Variants in DIP2C observed in about 807,000 individuals in gnomAD.
DIP2C encodes DIP2 acetate--CoA ligase C (putative), also known as disco-interacting protein 2 homolog C.
A neutral mutation model predicts 192.4 loss-of-function variants in DIP2C; 33 were observed. The ratio of observed to expected loss-of-function variants is 0.17; its 90% CI spans 0.13 to 0.23. DIP2C has a LOEUF of 0.23. Ranked by LOEUF, DIP2C falls within the 10% of genes least tolerant of loss-of-function variation. The pLI is 1.00. For missense variants in DIP2C, 1,537 were observed against 2,110.1 expected, an observed-to-expected ratio of 0.73 and a Z score of 5.32; for synonymous variants, 979 against 864.1, an observed-to-expected ratio of 1.13 and a Z score of -2.33.
intron 32 of DIP2C, among the ~76,000 whole-genome samples, chr10:290,938 C>T (rs1174048028): frequency 6.6e-6 from 1 of 152,254 alleles, no homozygotes; most frequent in Non-Finnish European, 1.5e-5. Context: ...GGGATGACTT[C>T]AGACAGGGTA....
intron 17 of DIP2C, among the ~76,000 whole-genome samples, chr10:379,413 C>T (rs1962113440): frequency 6.6e-6 from 1 of 152,110 alleles, no homozygotes; most frequent in African/African-American, 2.4e-5. Context: ...TTCTATGTTG[C>T]TTGCAAGAGT....
At chr10:593,946 G>C (rs1243174303) in intron 1 of DIP2C, among the ~76,000 whole-genome samples, 1 of 152,206 alleles carries the variant, frequency 6.6e-6, no homozygotes, top group Non-Finnish European at 1.5e-5. Context: ...CTCTGTGTAG[G>C]AGTCCAGCAC....
intron 1 of DIP2C, among the ~76,000 whole-genome samples, chr10:546,448 G>GT (rs1163590707): frequency 6.6e-6 from 1 of 152,196 alleles, no homozygotes; most frequent in Admixed American, 6.5e-5. Flanking sequence ...GGACAGCAGG[G>GT]TTCTCATGCC....
At chr10:657,660 C>G (rs1431923904) in intron 1 of DIP2C, among the ~76,000 whole-genome samples, 3 of 92,924 alleles carry the variant, frequency 3.2e-5, no homozygotes, top group Non-Finnish European at 4.5e-5. Flanking sequence ...TGGACCTGTC[C>G]CTGGACCTGC....
chr10:419,272 C>T, intron 5 of DIP2C, 73 bp from the exon 6 acceptor site: 1 of 1,600,898 alleles, frequency 6.2e-7, no homozygotes, highest in Non-Finnish European at 8.5e-7. Flanking sequence ...AGCCACAGCC[C>T]AGGAAGAGAC....
chr10:298,972 A>T (rs1564522272), intron 32 of DIP2C, among the ~76,000 whole-genome samples: 1 of 152,214 alleles, frequency 6.6e-6, no homozygotes, highest in Non-Finnish European at 1.5e-5. Context: ...ATAATTATAG[A>T]TTTGATATGT....
At chr10:289,596 C>A (rs1955372152) in intron 32 of DIP2C, among the ~76,000 whole-genome samples, 2 of 152,156 alleles carry the variant, frequency 1.3e-5, no homozygotes, top group South Asian at 4.1e-4. Flanking sequence ...CACCAAGAAC[C>A]CACTCTTATG....
chr10:441,114 G>T, intron 3 of DIP2C, 118 bp from the exon 4 acceptor site: 1 of 1,178,072 alleles, frequency 8.5e-7, no homozygotes, highest in Non-Finnish European at 1.1e-6. Flanking sequence ...ACCAACAGAT[G>T]GGTGGGCGAG....
Position 390,160 on chromosome 10 carries a change from G to A in DIP2C, c.1495-67C>T, listed in dbSNP as rs886383964. On this transcript the variant is annotated intron_variant, in intron 12 of 36. Coordinates refer to ENST00000280886, the MANE Select transcript of DIP2C (RefSeq NM_014974.3). ...CACGGCAGTTTTTCTGGTTACTTGAGGTTCTCCAAGTCCCTGAATTTTGGC... is the reference window on the plus strand; with the variant it reads ...CACGGCAGTTTTTCTGGTTACTTGAAGTTCTCCAAGTCCCTGAATTTTGGC... 8 of 1,579,926 alleles carry A rather than the reference G, an allele frequency of 5.1e-6. No individual in the cohort carries two copies. The Admixed American group carries it at 1.3e-4, about 27-fold the overall frequency.
intron 31 of DIP2C, among the ~76,000 whole-genome samples, chr10:315,173 GTCTCA>G (rs1316322805): frequency 6.6e-6 from 1 of 152,156 alleles, no homozygotes; most frequent in African/African-American, 2.4e-5. Flanking sequence ...ACTTCCTGTT[GTCTCA>G]TCTGTTATTC....
intron 32 of DIP2C, among the ~76,000 whole-genome samples, chr10:302,072 ACAGC>A (rs1172048068): frequency 6.6e-6 from 1 of 152,180 alleles, no homozygotes; most frequent in African/African-American, 2.4e-5. Context: ...ATGCCTGAAG[ACAGC>A]CAGAGCAGAA....
At chr10:356,142 T>A (rs1330695561) in intron 24 of DIP2C, 1 of 554,144 alleles carries the variant, frequency 1.8e-6, no homozygotes, top group African/African-American at 1.9e-5. Context: ...TCTCATAGAC[T>A]TACGATTTCT....
chr10:318,585 G>C (rs1956874776), intron 31 of DIP2C, among the ~76,000 whole-genome samples: 1 of 152,212 alleles, frequency 6.6e-6, no homozygotes, highest in Non-Finnish European at 1.5e-5. Context: ...CCACTCACTG[G>C]TGCCTCAAAC....
At chr10:354,541 G>A (rs1008740417) in intron 24 of DIP2C, among the ~76,000 whole-genome samples, 3 of 152,174 alleles carry the variant, frequency 2.0e-5, no homozygotes, top group Non-Finnish European at 2.9e-5. Context: ...ATGGGGGTCT[G>A]CTACTTCTTG....
In DIP2C at chr10:636,265, C is replaced by A. The variant is rs1163856929; in HGVS notation, c.85+53229G>T. The stretch of plus-strand genomic sequence containing the variant: ...GTGCTTGGCTTGACTCACTTCCATA[C>A]CAATTTCCAGATGTATTTTTACTTT... On this transcript the variant is annotated intron_variant, in intron 1 of 36. Coordinates refer to ENST00000280886, the MANE Select transcript of DIP2C (RefSeq NM_014974.3). The surrounding 1 kb of genome is among the most constrained non-coding windows in gnomAD (Gnocchi z 4.6). Among the ~76,000 whole-genome samples, 1 of 152,156 alleles carries A rather than the reference C, an allele frequency of 6.6e-6. No individual in the cohort carries two copies. Among genetic ancestry groups the A allele is most frequent in the Non-Finnish European group, 1.5e-5 (1 of 68,028 alleles).
At chr10:579,110 G>C (rs1003560829) in intron 1 of DIP2C, among the ~76,000 whole-genome samples, 2 of 151,560 alleles carry the variant, frequency 1.3e-5, no homozygotes, top group Non-Finnish European at 2.9e-5. Flanking sequence ...ATGTAGTGTA[G>C]GTACATAGGT....
At chr10:535,064 C>A (rs564519055) in intron 1 of DIP2C, among the ~76,000 whole-genome samples, 1 of 152,174 alleles carries the variant, frequency 6.6e-6, no homozygotes, top group South Asian at 2.1e-4. Context: ...GAGGCAGGAA[C>A]TGACCCCTCT....
At chr10:465,289 CATG>C (rs1970113801) in intron 3 of DIP2C, among the ~76,000 whole-genome samples, 1 of 144,518 alleles carries the variant, frequency 6.9e-6, no homozygotes, top group Non-Finnish European at 1.5e-5. Flanking sequence ...ACAAAAACCA[CATG>C]ATTATCTCAA....
chr10:337,800 C>CGTGTGTTGTGGAGGCCTAGGCAGCTGTGT (rs749822515), intron 29 of DIP2C, among the ~76,000 whole-genome samples: 118,809 of 122,570 alleles, frequency 0.97, 57,610 homozygotes, highest in Non-Finnish European at 0.98. Flanking sequence ...TGTGTGTGCA[C>CGTGTGTTGTGGAGGCCTAGGCAGCTGTGT]GTGTGTCGTG....
Sources: allele counts gnomAD v4.1 joint callset (sites outside exome capture counted in the v4.1 genomes callset), GRCh38; gene constraint gnomAD v4.1.1; non-coding constraint Gnocchi (gnomAD v3.1); transcripts MANE v1.5; gene names NCBI Gene and HGNC (gene_info 2026-07-23, HGNC 2026-07-21).